Variants in CNTN4 observed in about 807,000 individuals in gnomAD.
CNTN4 encodes contactin 4.
In CNTN4, 77 loss-of-function variants were observed where a neutral mutation model predicts 122.5. The ratio of observed to expected loss-of-function variants is 0.63; its 90% CI spans 0.52 to 0.76. The LOEUF (loss-of-function observed/expected upper bound fraction) is 0.76, where lower values mean the gene tolerates loss of function less well. Among genes scored for constraint, CNTN4 ranks in the 30% least tolerant of loss-of-function variants. The pLI, the probability that CNTN4 is intolerant of heterozygous loss-of-function variation, is 0.00. For missense variants in CNTN4, 1,256 were observed against 1,259.1 expected, an observed-to-expected ratio of 1.00 and a Z score of 0.04; for synonymous variants, 512 against 447.0, an observed-to-expected ratio of 1.15 and a Z score of -1.83.
intron 7 of CNTN4, among the ~76,000 whole-genome samples, chr3:2,830,475 G>A (rs1274862622): frequency 6.6e-6 from 1 of 152,194 alleles, no homozygotes; most frequent in Non-Finnish European, 1.5e-5. Context: ...ACCACATGCA[G>A]AGCTTTTTCT....
intron 10 of CNTN4, among the ~76,000 whole-genome samples, chr3:2,895,830 C>G (rs58292086): frequency 0.14 from 21,077 of 152,080 alleles, 1,529 homozygotes; most frequent in Middle Eastern, 0.23. Flanking sequence ...GTCAGGAGAT[C>G]GAGACCATCC....
At chr3:2,797,794 G>A (rs2092234498) in intron 6 of CNTN4, among the ~76,000 whole-genome samples, 1 of 152,068 alleles carries the variant, frequency 6.6e-6, no homozygotes. Flanking sequence ...TTATTCTGTG[G>A]AAGACAAAGT....
intron 4 of CNTN4, among the ~76,000 whole-genome samples, chr3:2,644,430 A>G (rs552211814): frequency 8.5e-5 from 13 of 152,248 alleles, no homozygotes; most frequent in Non-Finnish European, 1.8e-4. Context: ...AGCTCCTTTC[A>G]GAAACTCTCT....
At chr3:2,475,578 C>A (rs1283992719) in intron 3 of CNTN4, among the ~76,000 whole-genome samples, 1 of 152,138 alleles carries the variant, frequency 6.6e-6, no homozygotes, top group East Asian at 1.9e-4. Context: ...TTAAATCTTC[C>A]TGTATACATT....
chr3:2,899,425 C>T (rs573980174), intron 10 of CNTN4, among the ~76,000 whole-genome samples: 2 of 152,244 alleles, frequency 1.3e-5, no homozygotes, highest in African/African-American at 4.8e-5. Context: ...AGGCATTACC[C>T]TGTAGAAATG....
intron 13 of CNTN4, among the ~76,000 whole-genome samples, chr3:2,966,369 G>A (rs1354426056): frequency 6.6e-6 from 1 of 152,042 alleles, no homozygotes; most frequent in Non-Finnish European, 1.5e-5. Flanking sequence ...AAAATAAAAG[G>A]CATTCAGGCA....
At chr3:2,486,397 T>C in intron 3 of CNTN4, among the ~76,000 whole-genome samples, 1 of 152,194 alleles carries the variant, frequency 6.6e-6, no homozygotes, top group East Asian at 1.9e-4. Context: ...CAAGAGGAAC[T>C]TCTAGAAGGT....
At chr3:2,457,761 A>G (rs976115334) in intron 3 of CNTN4, among the ~76,000 whole-genome samples, 4 of 152,076 alleles carry the variant, frequency 2.6e-5, no homozygotes, top group Non-Finnish European at 5.9e-5. Context: ...AGAAATTTCC[A>G]TGTCCCTGTG....
At chr3:2,547,887 G>A (rs977862715) in intron 3 of CNTN4, among the ~76,000 whole-genome samples, 7 of 152,070 alleles carry the variant, frequency 4.6e-5, no homozygotes, top group Admixed American at 3.9e-4. Context: ...TTTTCACAGA[G>A]ACATGCGTAT....
chr3:2,289,400 A>T, intron 2 of CNTN4, among the ~76,000 whole-genome samples: 1 of 152,350 alleles, frequency 6.6e-6, no homozygotes, highest in East Asian at 1.9e-4. Flanking sequence ...TCATCTGTGA[A>T]ATGGCGATAA....
At chr3:2,236,472 T>C (rs2039686259) in intron 2 of CNTN4, among the ~76,000 whole-genome samples, 1 of 152,242 alleles carries the variant, frequency 6.6e-6, no homozygotes, top group African/African-American at 2.4e-5. Context: ...TCTATACATA[T>C]TTATTCACAC....
chr3:2,550,219 G>C (rs1426513258), intron 3 of CNTN4, among the ~76,000 whole-genome samples: 1 of 151,880 alleles, frequency 6.6e-6, no homozygotes, highest in Non-Finnish European at 1.5e-5. Context: ...TCTGATCTTA[G>C]GTATACCTTG....
chr3:2,333,967 A>G (rs2043839608), intron 2 of CNTN4, among the ~76,000 whole-genome samples: 2 of 152,220 alleles, frequency 1.3e-5, no homozygotes, highest in African/African-American at 2.4e-5. Flanking sequence ...AATGCCATCA[A>G]TAAGTTAAGC....
chr3:2,950,379 T>C (rs1341043221), intron 13 of CNTN4, among the ~76,000 whole-genome samples: 2 of 152,226 alleles, frequency 1.3e-5, no homozygotes, highest in Non-Finnish European at 2.9e-5. Context: ...ATTTGGACAA[T>C]GGGCCTGAAC....
chr3:2,455,997 T>C (rs1180256400), intron 3 of CNTN4, among the ~76,000 whole-genome samples: 1 of 152,138 alleles, frequency 6.6e-6, no homozygotes. Flanking sequence ...AATATTTTGC[T>C]AGGCACAGTA....
chr3:2,109,159 T>G (rs545767178), intron 2 of CNTN4, among the ~76,000 whole-genome samples: 1 of 152,314 alleles, frequency 6.6e-6, no homozygotes, highest in South Asian at 2.1e-4. Context: ...CTTCACAAAT[T>G]TTCATAGTTC....
intron 3 of CNTN4, among the ~76,000 whole-genome samples, chr3:2,453,579 A>T (rs1360749856): frequency 6.6e-6 from 1 of 152,152 alleles, no homozygotes; most frequent in Non-Finnish European, 1.5e-5. Flanking sequence ...ATGATCATGT[A>T]GCTTTTCAGA....
intron 6 of CNTN4, among the ~76,000 whole-genome samples, chr3:2,757,844 T>C (rs1404254172): frequency 6.6e-6 from 1 of 152,214 alleles, no homozygotes; most frequent in Non-Finnish European, 1.5e-5. Flanking sequence ...TCACCAAAGA[T>C]TAAATTCCAA....
chr3:2,575,721 C>T (rs911597806), intron 4 of CNTN4, among the ~76,000 whole-genome samples: 4 of 151,378 alleles, frequency 2.6e-5, no homozygotes, highest in African/African-American at 9.7e-5. Flanking sequence ...TTATTTTGAC[C>T]AATATCTTCT....
Sources: gnomAD v4.1 joint callset for allele counts (sites outside exome capture counted in the v4.1 genomes callset) on GRCh38, gnomAD v4.1.1 for gene constraint, MANE v1.5 for transcripts, NCBI Gene and HGNC (gene_info 2026-07-23, HGNC 2026-07-21) for gene names.